The following PRSS54 variants were observed in gnomAD, a reference collection of about 807,000 sequenced individuals.
The protein encoded by PRSS54 is inactive serine protease 54.
A neutral mutation model predicts 19.9 loss-of-function variants in PRSS54; 16 were observed. The ratio of observed to expected loss-of-function variants is 0.80; its 90% CI spans 0.54 to 1.22. The LOEUF is 1.22. Among genes scored for constraint, PRSS54 ranks in the 50% most tolerant of loss-of-function variants. The probability of loss-of-function intolerance (pLI) is 0.00; values close to 1 mark genes in which losing one functional copy is unlikely to be tolerated. For missense variants in PRSS54, 444 were observed against 494.8 expected (o/e 0.90, Z 0.97); for synonymous variants, 177 against 195.8 (o/e 0.90, Z 0.80).
intron 6 of PRSS54, chr16:58,282,809 G>A (rs1964808039): frequency 6.6e-6 from 1 of 152,268 alleles, no homozygotes; most frequent in African/African-American, 2.4e-5. Context: ...TGTCTTAACT[G>A]TAGTGGTATA....
rs540826335 is a variant in PRSS54, at chr16:58,285,940, A to G, written c.519T>C (p.Ser173=). Residue 173 remains serine (S), a synonymous_variant, in exon 5 of 7, where the codon TCT becomes TCC. Coordinates refer to ENST00000567164, the MANE Select transcript of PRSS54 (RefSeq NM_001305173.2). ...NCWVSGWNPT[S]ATGNHMTMSV... ...CTGGGAGGAGGAATGCCTTAACTGC[A>G]GATGTGGGATTCCATCCTGACACCC... is the stretch of plus-strand genomic sequence containing the variant. The G allele has an allele frequency of 1.2e-6, 2 of 1,614,048 alleles. No individual in the cohort carries two copies. Among genetic ancestry groups the G allele is most frequent in the African/African-American group, 2.7e-5 (2 of 75,032 alleles).
intron 6 of PRSS54, chr16:58,282,742 G>A (rs1458036875): frequency 6.6e-6 from 1 of 152,286 alleles, no homozygotes; most frequent in Non-Finnish European, 1.5e-5. Flanking sequence ...CTAGGTCATG[G>A]GGGCTCCCTG....
chr16:58,282,157 C>T (rs1271065876), intron 6 of PRSS54: 1 of 152,034 alleles, frequency 6.6e-6, no homozygotes, highest in African/African-American at 2.4e-5. Context: ...TACAGGCGCC[C>T]ACCACCACAC....
chr16:58,284,655 G>A lies in PRSS54; in HGVS notation c.589C>T (p.Leu197=), dbSNP rs1964866380. The stretch of plus-strand genomic sequence containing the variant: ...CATTCTGTCTTCTGGAGTTTGTATA[G>A]GGGACACATGTCAAGATCTTTCACG... The part of the protein sequence containing the change: ...IFVKDLDMCP[L]YKLQKTECGS... The change falls in exon 6 of 7, where the codon CTA becomes TTA. Residue 197 remains leucine, a synonymous_variant. Coordinates refer to ENST00000567164, the MANE Select transcript of PRSS54 (RefSeq NM_001305173.2). The A allele has an allele frequency of 3.7e-6, 6 of 1,613,928 alleles. No homozygotes were observed. The highest frequency in any genetic ancestry group is 1.3e-5 in the African/African-American group (1 of 74,900).
chr16:58,290,341 A>G (rs181232616), intron 4 of PRSS54, among the ~76,000 whole-genome samples: 2 of 152,264 alleles, frequency 1.3e-5, no homozygotes, highest in East Asian at 3.9e-4. Flanking sequence ...TTGATTCCCA[A>G]AAATGAAGTC....
chr16:58,282,195 TG>T (rs200465430), intron 6 of PRSS54: 15,725 of 151,980 alleles, frequency 0.1, 900 homozygotes, highest in Admixed American at 0.13. Context: ...TTAGTAGAGA[TG>T]GGGTTTCACC....
intron 5 of PRSS54, 52 bp downstream of exon 5, chr16:58,285,885 C>G: frequency 1.2e-6 from 2 of 1,602,102 alleles, no homozygotes; most frequent in South Asian, 1.1e-5. Flanking sequence ...ATCCAGGTCA[C>G]CCCCACTGCC....
intron 4 of PRSS54, among the ~76,000 whole-genome samples, chr16:58,287,500 T>A (rs1964944247): frequency 6.6e-6 from 1 of 152,138 alleles, no homozygotes; most frequent in Non-Finnish European, 1.5e-5. Flanking sequence ...GTCACTTAGC[T>A]GGTAAAAGCA....
At position 58,286,535 on chromosome 16, in the gene PRSS54, T is replaced by C. The variant is rs141741574; in HGVS notation, c.264-340A>G. Among the ~76,000 whole-genome samples, 854 of 152,070 alleles carry C rather than the reference T, an allele frequency of 5.6e-3. 4 individuals carry two copies. Among genetic ancestry groups the C allele is most frequent in the South Asian group, 8.9e-3 (43 of 4,820 alleles). On this transcript the variant is annotated intron_variant, in intron 4 of 6. Transcript: ENST00000567164. ...TACATATTGTAGTTTGCAAAAGTAG[T>C]AATTGCAGTTCTACCAAACATGTCA...
At chr16:58,284,393 G>A (rs1039473564) in intron 6 of PRSS54, 197 bp downstream of exon 6, 5 of 533,540 alleles carry the variant, frequency 9.4e-6, no homozygotes, top group East Asian at 3.1e-5. Context: ...ACTGAAAATC[G>A]TGACTGGTTA....
At position 58,293,823 on chromosome 16, in the gene PRSS54, C is replaced by A; in HGVS notation, c.-6-1G>T. 1 of 1,610,860 alleles carries A rather than the reference C, an allele frequency of 6.2e-7. No individual in the cohort carries two copies. The highest frequency in any genetic ancestry group is 8.5e-7 in the Non-Finnish European group (1 of 1,178,740). ...GACCCGCCGCGGACACCATGGGCAG[C>A]TGGGGAAACAAAACCCAATGACTCC... On this transcript the variant is annotated splice_acceptor_variant, in intron 2 of 6. Transcript: ENST00000567164. LOFTEE classifies it low-confidence loss of function (5UTR_SPLICE).
In PRSS54 at chr16:58,280,759, T is replaced by A. The variant is rs776101237; in HGVS notation, c.655-2A>T. Reference sequence around the variant, plus strand: ...CATCATTGGGCTTCCTGGGTCCCCCTGTGATAAAAGACAGAAGGCTTCAAG... The same window carrying A: ...CATCATTGGGCTTCCTGGGTCCCCCAGTGATAAAAGACAGAAGGCTTCAAG... On this transcript the variant is annotated splice_acceptor_variant, in intron 6 of 6. Coordinates refer to ENST00000567164, the MANE Select transcript of PRSS54 (RefSeq NM_001305173.2). LOFTEE classifies it high-confidence loss of function. 1.3e-6 allele frequency: 2 copies of A among 1,597,026 alleles called. No individual in the cohort carries two copies. The highest frequency in any genetic ancestry group is 3.4e-5 in the Admixed American group (2 of 58,456).
Position 58,280,222 on chromosome 16 carries a change from G to C in PRSS54, c.*2C>G, listed in dbSNP as rs1964680060. The C allele has an allele frequency of 6.2e-7, 1 of 1,605,512 alleles. No homozygotes were observed. The highest frequency in any genetic ancestry group is 1.7e-5 in the Admixed American group (1 of 59,472). ...CTTCAGTTTGGTGGGGTAGCTCCTG[G>C]ACTAGATACTGCTGCAAAAGAAAAC... On this transcript the variant is annotated 3_prime_UTR_variant, in exon 7 of 7. Coordinates refer to ENST00000567164, the MANE Select transcript of PRSS54 (RefSeq NM_001305173.2).
chr16:58,280,739 T>C lies in PRSS54; in HGVS notation c.673A>G (p.Met225Val), dbSNP rs560591342. Reference protein sequence around the residue: ...TACLGDPGSPMMCQLQQFDLW... With the variant: ...TACLGDPGSPVMCQLQQFDLW... ...TCGAACTGCTGTAGCTGGCACATCATTGGGCTTCCTGGGTCCCCCTGTGAT... is the reference window on the plus strand; with the variant it reads ...TCGAACTGCTGTAGCTGGCACATCACTGGGCTTCCTGGGTCCCCCTGTGAT... The change falls in exon 7 of 7, where the codon ATG becomes GTG. Residue 225 changes from methionine (M) to valine (V), a missense_variant. Transcript: ENST00000567164. 18 of 1,606,032 alleles carry C rather than the reference T, an allele frequency of 1.1e-5. No homozygotes were observed. The highest frequency in any genetic ancestry group is 1.4e-5 in the Non-Finnish European group (16 of 1,173,570).
At position 58,294,978 on chromosome 16, in the gene PRSS54, T is replaced by C. The variant is rs1374033877; in HGVS notation, c.-323A>G. The C allele has an allele frequency of 1.3e-5, 2 of 152,760 alleles. No individual in the cohort carries two copies. The highest frequency in any genetic ancestry group is 2.9e-5 in the Non-Finnish European group (2 of 68,110). 9.5% of individuals were successfully genotyped at this position (152,760 alleles called of 1,614,324 possible). On this transcript the variant is annotated 5_prime_UTR_variant, in exon 1 of 7. Transcript: ENST00000567164. The stretch of plus-strand genomic sequence containing the variant: ...TGTTCCTGCTCAAGGAGAAATGAAC[T>C]CAGGCTGGCCTGACACAGTAGAGTT...
intron 4 of PRSS54, among the ~76,000 whole-genome samples, chr16:58,286,789 A>C (rs1280502558): frequency 6.6e-6 from 1 of 152,222 alleles, no homozygotes; most frequent in African/African-American, 2.4e-5. Flanking sequence ...AGTCAAAGGA[A>C]GGGCTGATGA....
chr16:58,284,853 C>T, intron 5 of PRSS54, 132 bp from the exon 6 acceptor site: 1 of 963,508 alleles, frequency 1.0e-6, no homozygotes, highest in Non-Finnish European at 1.5e-6. Flanking sequence ...CTTGTTCTGT[C>T]ACGCAGGCTG....
At chr16:58,290,172 ATATATT>A in intron 4 of PRSS54, among the ~76,000 whole-genome samples, 1 of 149,832 alleles carries the variant, frequency 6.7e-6, no homozygotes, top group South Asian at 2.1e-4. Context: ...TTATGTATAT[ATATATT>A]TATATGTATA....
chr16:58,284,505 T>C, intron 6 of PRSS54, 85 bp downstream of exon 6: 2 of 1,528,652 alleles, frequency 1.3e-6, no homozygotes, highest in Non-Finnish European at 1.8e-6. Context: ...GAGCTCCCCA[T>C]CTAGGGAAGG....
Sources: allele counts gnomAD v4.1 joint callset (sites outside exome capture counted in the v4.1 genomes callset), GRCh38; gene constraint gnomAD v4.1.1; transcripts MANE v1.5; gene names NCBI Gene and HGNC (gene_info 2026-07-23, HGNC 2026-07-21).